LAT2: variants seen among roughly 807,000 people sequenced by gnomAD.
The protein encoded by LAT2 is linker for activation of T cells family member 2, also known as linker for activation of T-cells family member 2.
In LAT2, 23 loss-of-function variants were observed where a neutral mutation model predicts 43.4. That is an observed-to-expected ratio of 0.53 (90% CI 0.38 to 0.75). LAT2 has a LOEUF of 0.75. Ranked by LOEUF, LAT2 falls within the 30% of genes least tolerant of loss-of-function variation. The pLI is 0.00. For synonymous variants in LAT2, 128 were observed against 123.2 expected, an observed-to-expected ratio of 1.04 and a Z score of -0.26; for missense variants, 284 against 310.2, an observed-to-expected ratio of 0.92 and a Z score of 0.64.
intron 13 of LAT2, among the ~76,000 whole-genome samples, chr7:74,226,661 A>C (rs188334536): frequency 2.6e-5 from 4 of 152,202 alleles, no homozygotes; most frequent in Admixed American, 2.0e-4. Context: ...TCAAAACAAC[A>C]ACAACAACAA....
At position 74,214,038 on chromosome 7, in the gene LAT2, A is replaced by ATG. The variant is rs573079120; in HGVS notation, c.-218-782_-218-781dup. On this transcript the variant is annotated intron_variant, in intron 1 of 13. Coordinates refer to ENST00000460943, the MANE Select transcript of LAT2 (RefSeq NM_032464.3). ...ATCACAGCTCACTGCAGCCATATAT[A>ATG]TGTATATATATATATATATGAAAAA... Among the ~76,000 whole-genome samples the ATG allele has an allele frequency of 1.6e-3, 208 of 133,704 alleles. 1 individual carries two copies. The highest frequency in any genetic ancestry group is 5.7e-3 in the African/African-American group (191 of 33,358). The allele number at this position is 133,704 out of a possible 152,430, so 87.7% of individuals were successfully genotyped here. A position where few individuals can be genotyped will look rare whatever the true frequency, so the allele number is the denominator to read the frequency against.
At chr7:74,216,777 G>C in intron 3 of LAT2, 48 bp from the exon 4 acceptor site, 3 of 1,583,152 alleles carry the variant, frequency 1.9e-6, no homozygotes, top group Non-Finnish European at 2.6e-6. Context: ...CTGACCTCAG[G>C]TCGCAGCTGC....
chr7:74,215,859 C>A, intron 2 of LAT2, 88 bp from the exon 3 acceptor site: 1 of 898,696 alleles, frequency 1.1e-6, no homozygotes, highest in Non-Finnish European at 1.8e-6. Context: ...AGCCTAGGCT[C>A]AGGTATGGGG....
chr7:74,218,921 C>T (rs140304749), intron 4 of LAT2, among the ~76,000 whole-genome samples: 1 of 149,484 alleles, frequency 6.7e-6, no homozygotes, highest in East Asian at 2.1e-4. Flanking sequence ...TGGTCTTGAA[C>T]TCCCAACCTC....
At chr7:74,219,270 G>C (rs1452923852) in intron 4 of LAT2, among the ~76,000 whole-genome samples, 2 of 152,060 alleles carry the variant, frequency 1.3e-5, no homozygotes, top group East Asian at 3.9e-4. Flanking sequence ...ACGCTCCCTG[G>C]GACCAGCAGG....
In LAT2 at chr7:74,220,637, G is replaced by A. The variant is rs1421631811; in HGVS notation, c.301+18G>A. On this transcript the variant is annotated intron_variant, in intron 8 of 13. Coordinates refer to ENST00000460943, the MANE Select transcript of LAT2 (RefSeq NM_032464.3). This position sits in a 1 kb window ranked among gnomAD's most constrained non-coding sequence, Gnocchi z 4.5. ...CAGCAAAGGTAGGTAGGCTCCTGGA[G>A]AAAGGGGGAGGCCATGGTGGGGGCC... is the stretch of plus-strand genomic sequence containing the variant. The A allele has an allele frequency of 6.8e-6, 11 of 1,614,042 alleles. No individual in the cohort carries two copies. The highest frequency in any genetic ancestry group is 8.5e-6 in the Non-Finnish European group (10 of 1,179,968).
intron 1 of LAT2, among the ~76,000 whole-genome samples, chr7:74,211,427 G>A (rs1013157265): frequency 6.6e-6 from 1 of 152,022 alleles, no homozygotes; most frequent in Non-Finnish European, 1.5e-5. Flanking sequence ...ACAGGCACGT[G>A]CTACCACACC....
chr7:74,218,641 G>T (rs1364080306), intron 4 of LAT2, among the ~76,000 whole-genome samples: 2 of 152,162 alleles, frequency 1.3e-5, no homozygotes, highest in African/African-American at 4.8e-5. Context: ...ATAGACCAGA[G>T]CTTAATCCAT....
intron 1 of LAT2, among the ~76,000 whole-genome samples, chr7:74,210,700 C>T (rs1219023642): frequency 6.6e-6 from 1 of 152,162 alleles, no homozygotes; most frequent in Non-Finnish European, 1.5e-5. Flanking sequence ...GTAATCCCAG[C>T]ATTTGGGGAG....
chr7:74,219,251 G>A (rs1180029242), intron 4 of LAT2, among the ~76,000 whole-genome samples: 2 of 151,982 alleles, frequency 1.3e-5, no homozygotes, highest in Non-Finnish European at 2.9e-5. Flanking sequence ...CTTTTTTAAG[G>A]AATTGCAAAC....
chr7:74,216,195 G>GA lies in LAT2; in HGVS notation c.94+127dup, dbSNP rs113202864. On this transcript the variant is annotated intron_variant, in intron 3 of 13. Coordinates refer to ENST00000460943, the MANE Select transcript of LAT2 (RefSeq NM_032464.3). ...AGATGAACCTCGTGATGTGACCCCT[G>GA]ACCCCTAAACTGCCCCCTGAAGACA... is the stretch of plus-strand genomic sequence containing the variant. The GA allele has an allele frequency of 9.8e-3, 7,361 of 752,704 alleles. 376 individuals carry two copies. The African/African-American group carries it at 0.11, about 11-fold the overall frequency. 46.6% of individuals were successfully genotyped at this position (752,704 alleles called of 1,614,324 possible).
At chr7:74,219,184 C>A (rs1271833930) in intron 4 of LAT2, among the ~76,000 whole-genome samples, 1 of 151,464 alleles carries the variant, frequency 6.6e-6, no homozygotes, top group African/African-American at 2.4e-5. Context: ...CTACAGGCGC[C>A]CGCCACCGCG....
intron 4 of LAT2, among the ~76,000 whole-genome samples, chr7:74,217,256 A>C (rs1196866583): frequency 1.3e-5 from 2 of 152,052 alleles, no homozygotes; most frequent in Non-Finnish European, 2.9e-5. Context: ...ACATGGTGAA[A>C]CCTCATTTCT....
In LAT2 at chr7:74,220,671, G is replaced by T. The variant is rs1554715070; in HGVS notation, c.302-33G>T. The T allele has an allele frequency of 1.2e-6, 2 of 1,613,560 alleles. No homozygotes were observed. The highest frequency in any genetic ancestry group is 2.7e-5 in the African/African-American group (2 of 75,036). ...AGGCCATGGTGGGGGCCACACCCAG[G>T]GGCTCAGGCCCAATTCTCGCCTCCT... On this transcript the variant is annotated intron_variant, in intron 8 of 13. Coordinates refer to ENST00000460943, the MANE Select transcript of LAT2 (RefSeq NM_032464.3). The surrounding 1 kb of genome is among the most constrained non-coding windows in gnomAD (Gnocchi z 4.5).
chr7:74,221,833 T>G, intron 10 of LAT2, 141 bp downstream of exon 10: 3 of 353,954 alleles, frequency 8.5e-6, no homozygotes, highest in South Asian at 2.9e-5. Context: ...AGGAGGCTGG[T>G]GCTGCAGGCG....
At chr7:74,228,506 C>A (rs557403755) in intron 13 of LAT2, among the ~76,000 whole-genome samples, 2 of 145,332 alleles carry the variant, frequency 1.4e-5, no homozygotes, top group African/African-American at 2.6e-5. Flanking sequence ...ACAAAATGGG[C>A]CAGGCGTGGT....
chr7:74,227,228 A>G (rs550208732), intron 13 of LAT2, among the ~76,000 whole-genome samples: 5 of 148,454 alleles, frequency 3.4e-5, no homozygotes, highest in Non-Finnish European at 5.9e-5. Context: ...ATTTTATTTT[A>G]TTTTGTTTTT....
intron 4 of LAT2, among the ~76,000 whole-genome samples, chr7:74,219,137 C>T (rs1467407738): frequency 6.4e-5 from 9 of 139,888 alleles, no homozygotes; most frequent in South Asian, 4.7e-4. Context: ...CCCGGGTTCA[C>T]GCCATTCTCC....
In LAT2 at chr7:74,223,653, A is replaced by G. The variant is rs549710218; in HGVS notation, c.389-71A>G. On this transcript the variant is annotated intron_variant, in intron 10 of 13. Coordinates refer to ENST00000460943, the MANE Select transcript of LAT2 (RefSeq NM_032464.3). ...GTCCCCTGCAAAGGGAAGGCAGGAC[A>G]GAGCGGGAGGATGAGCCAGGCTTTG... is the stretch of plus-strand genomic sequence containing the variant. 8.4e-6 allele frequency: 12 copies of G among 1,421,734 alleles called. No individual in the cohort carries two copies. The South Asian group carries it at 1.4e-4, about 16-fold the overall frequency. The allele number at this position is 1,421,734 out of a possible 1,614,324, so 88.1% of individuals were successfully genotyped here.
Sources: gnomAD v4.1 joint callset for allele counts (sites outside exome capture counted in the v4.1 genomes callset) on GRCh38, gnomAD v4.1.1 for gene constraint, Gnocchi (gnomAD v3.1) non-coding constraint, MANE v1.5 for transcripts, NCBI Gene and HGNC (gene_info 2026-07-23, HGNC 2026-07-21) for gene names.